ARHGAP4: variants seen among roughly 807,000 people sequenced by gnomAD.
ARHGAP4 encodes the protein rho GTPase-activating protein 4.
In ARHGAP4, 25 loss-of-function variants were observed where a neutral mutation model predicts 67.6. The ratio of observed to expected loss-of-function variants is 0.37; its 90% CI spans 0.27 to 0.52. The LOEUF (loss-of-function observed/expected upper bound fraction) is 0.52. ARHGAP4 is among the 20% of genes least tolerant of loss of function. ARHGAP4 has a pLI of 0.92. For missense variants in ARHGAP4, 804 were observed against 854.6 expected (o/e 0.94, Z 0.74); for synonymous variants, 448 against 373.7 (o/e 1.20, Z -2.29).
At chrX:153,908,030 C>A in intron 21 of ARHGAP4, 68 bp from the exon 22 acceptor site, 1 of 984,615 alleles carries the variant, frequency 1.0e-6, no homozygotes, top group Non-Finnish European at 1.3e-6. Flanking sequence ...CAAGACCCAC[C>A]TGAGTTCCTC....
Position 153,921,135 on chromosome X carries a change from G to C in ARHGAP4, c.460C>G (p.Gln154Glu). The part of the protein sequence containing the change: ...KKSRDLEQQL[Q>E]DELLEVVSEL... Reference sequence around the variant, plus strand: ...GAGACCACCTCCAGGAGCTCATCCTGCAGCTGCTGCTCCAGATCCCTGCTC... The same window carrying C: ...GAGACCACCTCCAGGAGCTCATCCTCCAGCTGCTGCTCCAGATCCCTGCTC... The change falls in exon 4 of 22, where the codon CAG (glutamine) becomes GAG (glutamate). Residue 154 changes from glutamine (Q) to glutamate (E), a missense_variant. Gln to Glu is a conservative substitution (Grantham distance 29, BLOSUM62 2). This residue lies in a region of ARHGAP4 where 404 missense variants were observed against 505.9 expected (regional missense o/e 0.80). Transcript: ENST00000350060. 8.3e-7 allele frequency: 1 copy of C among 1,203,454 alleles called. No individual in the cohort carries two copies. Among genetic ancestry groups the C allele is most frequent in the Non-Finnish European group, 1.1e-6 (1 of 891,018 alleles).
chrX:153,916,358 T>C, intron 7 of ARHGAP4, among the ~76,000 whole-genome samples: 1 of 113,188 alleles, frequency 8.8e-6, no homozygotes, highest in East Asian at 2.8e-4. Context: ...CTAAGGCCTT[T>C]CCACTACCCT....
At chrX:153,925,099 G>C (rs140832332) in intron 1 of ARHGAP4, among the ~76,000 whole-genome samples, 1 of 111,925 alleles carries the variant, frequency 8.9e-6, no homozygotes, top group East Asian at 2.8e-4. Context: ...GGGGAAGCAG[G>C]ATGGAGATCA....
Position 153,907,857 on chromosome X carries a change from G to C in ARHGAP4, c.2713C>G (p.Arg905Gly). ...ASTTSPSPGPRSPKAPPSSRL... is the reference protein window; with the variant it reads ...ASTTSPSPGPGSPKAPPSSRL... The stretch of plus-strand genomic sequence containing the variant: ...CTGCTGGGCGGGGCCTTTGGGCTTC[G>C]GGGCCCAGGACTGGGAGAGGTGGTA... Residue 905 changes from arginine (R) to glycine (G), a missense_variant, in exon 22 of 22, where the codon CGA (arginine) becomes GGA (glycine). Arg to Gly is a moderately radical substitution (Grantham distance 125, BLOSUM62 -2). Around this residue, in one of 2 missense-constraint regions of ARHGAP4, gnomAD observed 400 missense variants for 348.7 expected, o/e 1.15. Transcript: ENST00000350060. 2.0e-6 allele frequency: 2 copies of C among 1,017,866 alleles called. No individual in the cohort carries two copies. The highest frequency in any genetic ancestry group is 2.8e-4 in the Middle Eastern group (1 of 3,559). 83.9% of individuals were successfully genotyped at this position (1,017,866 alleles called of 1,213,427 possible).
chrX:153,911,930 A>AAAG (rs2065024097), intron 12 of ARHGAP4, among the ~76,000 whole-genome samples: 1 of 107,124 alleles, frequency 9.3e-6, no homozygotes, highest in Admixed American at 1.0e-4. Flanking sequence ...AAAAAAAAAA[A>AAAG]AAAGAAAGAA....
chrX:153,921,014 G>C (rs2065089375), intron 4 of ARHGAP4, 83 bp downstream of exon 4: 1 of 1,097,518 alleles, frequency 9.1e-7, no homozygotes, highest in East Asian at 3.3e-5. Context: ...GTGATGTGAT[G>C]GTCTGGCGGT....
At chrX:153,916,967 G>A (rs1274200634) in intron 7 of ARHGAP4, among the ~76,000 whole-genome samples, 1 of 111,977 alleles carries the variant, frequency 8.9e-6, no homozygotes, top group Non-Finnish European at 1.9e-5. Context: ...TGTAATCCCA[G>A]CACTTTGGGA....
chrX:153,923,082 G>C (rs1324562873), intron 1 of ARHGAP4, among the ~76,000 whole-genome samples: 1 of 111,180 alleles, frequency 9.0e-6, no homozygotes, highest in Non-Finnish European at 1.9e-5. Context: ...AGATGGCACA[G>C]AGCCCGGGGT....
intron 1 of ARHGAP4, among the ~76,000 whole-genome samples, chrX:153,923,040 C>T (rs1282287547): frequency 9.0e-6 from 1 of 110,813 alleles, no homozygotes; most frequent in African/African-American, 3.3e-5. Flanking sequence ...TGTACGTGGG[C>T]AGTAGGGGGA....
intron 7 of ARHGAP4, 129 bp from the exon 8 acceptor site, chrX:153,914,008 G>T: frequency 7.4e-6 from 4 of 542,385 alleles, no homozygotes; most frequent in African/African-American, 2.3e-5. Context: ...CAGCCCAGAC[G>T]CTCAGCTGAA....
At position 153,924,999 on chromosome X, in the gene ARHGAP4, C is replaced by G. The variant is rs1277647813; in HGVS notation, c.67+1137G>C. On this transcript the variant is annotated intron_variant, in intron 1 of 21. Transcript: ENST00000350060. ...AGCAAGTGAGGAACCCTTAGACAGT[C>G]GTGCTCGAAACCCCAACTTTTCAGT... 5.4e-5 allele frequency among the ~76,000 whole-genome samples: 6 copies of G among 112,083 alleles called. 2 individuals are homozygous for G. The Admixed American group carries it at 5.7e-4, about 11-fold the overall frequency.
intron 12 of ARHGAP4, 129 bp downstream of exon 12, chrX:153,912,570 AG>A: frequency 1.8e-6 from 1 of 557,732 alleles, no homozygotes; most frequent in Non-Finnish European, 2.9e-6. Context: ...CACCCAGAAA[AG>A]GACAGTTGAT....
At chrX:153,922,275 C>T in intron 1 of ARHGAP4, 3 of 777,765 alleles carry the variant, frequency 3.9e-6, no homozygotes, top group Non-Finnish European at 4.6e-6. Context: ...CACAGTGCTG[C>T]TCAGGGCAAG....
Position 153,919,109 on chromosome X carries a change from C to G in ARHGAP4, c.810+46G>C, listed in dbSNP as rs781955347. 6.6e-6 allele frequency: 8 copies of G among 1,210,597 alleles called. No individual in the cohort carries two copies. The Admixed American group carries it at 1.7e-4, about 26-fold the overall frequency. On this transcript the variant is annotated intron_variant, in intron 6 of 21. Coordinates refer to ENST00000350060, the MANE Select transcript of ARHGAP4 (RefSeq NM_001666.5). Reference sequence around the variant, plus strand: ...GGTCCTGGAGCCACAGCTTCCCAGCCCCGAGGCACCAGGCACCTTTTCCCA... The same window carrying G: ...GGTCCTGGAGCCACAGCTTCCCAGCGCCGAGGCACCAGGCACCTTTTCCCA...
intron 7 of ARHGAP4, among the ~76,000 whole-genome samples, chrX:153,915,294 G>A (rs967819924): frequency 7.1e-5 from 8 of 112,180 alleles, no homozygotes; most frequent in Non-Finnish European, 1.3e-4. Context: ...CAAGTTCTGC[G>A]GCTGGATGGT....
chrX:153,922,216 G>A (rs926085665), intron 1 of ARHGAP4: 1 of 838,745 alleles, frequency 1.2e-6, no homozygotes, highest in Non-Finnish European at 1.4e-6. Flanking sequence ...CCCAGGCTCC[G>A]GGAGGTGGCA....
At chrX:153,921,835 C>A in intron 1 of ARHGAP4, 26 bp from the exon 2 acceptor site, 1 of 1,161,806 alleles carries the variant, frequency 8.6e-7, no homozygotes, top group East Asian at 3.2e-5. Context: ...TGGCTCAGGC[C>A]TGGTCAGCAC....
intron 1 of ARHGAP4, 61 bp downstream of exon 1, chrX:153,926,075 C>T (rs2148530544): frequency 1.7e-6 from 2 of 1,173,205 alleles, no homozygotes; most frequent in Non-Finnish European, 2.3e-6. Flanking sequence ...ACGCTTGGAG[C>T]TCCCTCACGA....
In ARHGAP4 at chrX:153,911,184, T is replaced by C; in HGVS notation, c.1548A>G (p.Ser516=). Residue 516 remains serine, a synonymous_variant, in exon 13 of 22, where the codon TCA becomes TCG. Coordinates refer to ENST00000350060, the MANE Select transcript of ARHGAP4 (RefSeq NM_001666.5). The stretch of plus-strand genomic sequence containing the variant: ...CCACCACCAGGGGCACAGGCTGGCC[T>C]GAGCTCTGGGGACAGAGGGTGTTTA... ...GGDMEKFIQS[S]GQPVPLVVES... 8.6e-7 allele frequency: 1 copy of C among 1,166,578 alleles called. No individual in the cohort carries two copies. The highest frequency in any genetic ancestry group is 1.1e-6 in the Non-Finnish European group (1 of 871,645).
Sources: allele counts gnomAD v4.1 joint callset (sites outside exome capture counted in the v4.1 genomes callset), GRCh38; gene constraint gnomAD v4.1.1; regional missense constraint gnomAD v4.1.1; transcripts MANE v1.5; gene names NCBI Gene and HGNC (gene_info 2026-07-23, HGNC 2026-07-21).